KDM2A: variants seen among roughly 807,000 people sequenced by gnomAD.
KDM2A encodes lysine-specific demethylase 2A.
Under a neutral mutation model 137.3 loss-of-function variants are expected in KDM2A, and 3 were observed. The ratio of observed to expected loss-of-function variants is 0.02; its 90% CI spans 0.01 to 0.06. The LOEUF is 0.06. KDM2A is among the 10% of genes least tolerant of loss of function. KDM2A has a pLI of 1.00. For missense variants in KDM2A, 738 were observed against 1,510.6 expected (o/e 0.49, Z 8.48); for synonymous variants, 512 against 541.5 (o/e 0.95, Z 0.76).
intron 6 of KDM2A, among the ~76,000 whole-genome samples, chr11:67,212,909 G>A (rs190862863): frequency 1.5e-3 from 234 of 152,222 alleles, no homozygotes; most frequent in Admixed American, 6.6e-3. Context: ...GACAACACAC[G>A]GGGATGGGAG....
intron 2 of KDM2A, among the ~76,000 whole-genome samples, chr11:67,147,270 C>T (rs1590722066): frequency 6.6e-6 from 1 of 151,982 alleles, no homozygotes; most frequent in African/African-American, 2.4e-5. Context: ...GGGCCGGGTG[C>T]GGTGGCTCAA....
At chr11:67,158,135 G>A (rs933058820) in intron 2 of KDM2A, among the ~76,000 whole-genome samples, 1 of 151,236 alleles carries the variant, frequency 6.6e-6, no homozygotes, top group African/African-American at 2.4e-5. Flanking sequence ...CAGCAACTAC[G>A]GATCTTTTTG....
chr11:67,158,787 C>A (rs1315281289), intron 2 of KDM2A, among the ~76,000 whole-genome samples: 1 of 152,172 alleles, frequency 6.6e-6, no homozygotes, highest in Non-Finnish European at 1.5e-5. Context: ...CCGCCCCCAG[C>A]CTGAGCATCT....
chr11:67,251,409 A>G (rs1859422284), intron 17 of KDM2A, among the ~76,000 whole-genome samples: 1 of 152,234 alleles, frequency 6.6e-6, no homozygotes, highest in African/African-American at 2.4e-5. Context: ...TAAGTTGGAC[A>G]GACACTTGGG....
intron 17 of KDM2A, 58 bp from the exon 18 acceptor site, chr11:67,252,636 T>C: frequency 6.3e-7 from 1 of 1,588,950 alleles, no homozygotes; most frequent in Non-Finnish European, 8.6e-7. Context: ...AAGCAGCCTG[T>C]GATGGGAGCT....
At chr11:67,123,392 TC>T (rs935528236) in intron 2 of KDM2A, among the ~76,000 whole-genome samples, 5 of 151,518 alleles carry the variant, frequency 3.3e-5, no homozygotes, top group African/African-American at 1.2e-4. Flanking sequence ...TTTGTCTTGT[TC>T]CCAGTTCATG....
intron 2 of KDM2A, among the ~76,000 whole-genome samples, chr11:67,177,603 G>C (rs1407756687): frequency 6.6e-6 from 1 of 151,798 alleles, no homozygotes; most frequent in African/African-American, 2.4e-5. Context: ...AAGATCTTCA[G>C]GCACAGTAAC....
chr11:67,215,971 G>A (rs1858146447), intron 8 of KDM2A, 22 bp downstream of exon 8: 7 of 1,590,252 alleles, frequency 4.4e-6, no homozygotes, highest in Non-Finnish European at 6.0e-6. Flanking sequence ...GTTGTGATAG[G>A]GGTTGGAATC....
chr11:67,150,395 G>T (rs1856358164), intron 2 of KDM2A, among the ~76,000 whole-genome samples: 1 of 152,186 alleles, frequency 6.6e-6, no homozygotes, highest in African/African-American at 2.4e-5. Flanking sequence ...GAAGAGAAGA[G>T]TAATTGAAAC....
At chr11:67,180,964 T>C (rs78273812) in intron 3 of KDM2A, among the ~76,000 whole-genome samples, 1 of 132,024 alleles carries the variant, frequency 7.6e-6, no homozygotes, top group Non-Finnish European at 1.7e-5. Context: ...ACCTGGCCCT[T>C]TTTTTTTTTT....
At position 67,250,334 on chromosome 11, in the gene KDM2A, A is replaced by G. The variant is rs776320516; in HGVS notation, c.2304A>G (p.Thr768=). The G allele has an allele frequency of 1.2e-6, 2 of 1,613,970 alleles. No individual in the cohort carries two copies. Among genetic ancestry groups the G allele is most frequent in the South Asian group, 1.1e-5 (1 of 91,082 alleles). Residue 768 remains threonine, a synonymous_variant, in exon 17 of 21, where the codon ACA becomes ACG. Coordinates refer to ENST00000529006, the MANE Select transcript of KDM2A (RefSeq NM_012308.3). The surrounding 1 kb of genome is among the most constrained non-coding windows in gnomAD (Gnocchi z 7.1). ...GGCAGTTGCTGCGGCTGCAGGCCACAGAGCGCACCATGGTACGGGAAAAGG... is the reference window on the plus strand; with the variant it reads ...GGCAGTTGCTGCGGCTGCAGGCCACGGAGCGCACCATGGTACGGGAAAAGG... ...KRRQLLRLQA[T]ERTMVREKEN...
intron 5 of KDM2A, among the ~76,000 whole-genome samples, chr11:67,194,186 C>A (rs1857426328): frequency 6.6e-6 from 1 of 152,096 alleles, no homozygotes; most frequent in African/African-American, 2.4e-5. Flanking sequence ...CATTTCTGTT[C>A]TCTTTGTGTA....
intron 12 of KDM2A, among the ~76,000 whole-genome samples, chr11:67,234,951 C>T (rs1399489011): frequency 6.6e-6 from 1 of 151,792 alleles, no homozygotes; most frequent in Non-Finnish European, 1.5e-5. Flanking sequence ...TCAAGACCAT[C>T]CTTGCTAACA....
At chr11:67,179,302 T>C (rs948998845) in intron 2 of KDM2A, among the ~76,000 whole-genome samples, 1 of 152,170 alleles carries the variant, frequency 6.6e-6, no homozygotes, top group Non-Finnish European at 1.5e-5. Flanking sequence ...AGACGAAGTT[T>C]TGCTCTTGTT....
At position 67,252,814 on chromosome 11, in the gene KDM2A, C is replaced by T; in HGVS notation, c.2889C>T (p.Asn963=). ...TCAGCCTTGACCTCAGTTGGACCAACATCTCTAAAAAGCAACTGACATGGC... is the reference window on the plus strand; with the variant it reads ...TCAGCCTTGACCTCAGTTGGACCAATATCTCTAAAAAGCAACTGACATGGC... ...QPVSLDLSWT[N]ISKKQLTWLV... The change falls in exon 18 of 21, where the codon AAC becomes AAT. Residue 963 remains asparagine (N), a synonymous_variant. Transcript: ENST00000529006. 1 of 1,613,580 alleles carries T rather than the reference C, an allele frequency of 6.2e-7. No individual in the cohort carries two copies. The highest frequency in any genetic ancestry group is 8.5e-7 in the Non-Finnish European group (1 of 1,179,530).
chr11:67,205,376 C>A (rs961484761), intron 5 of KDM2A, among the ~76,000 whole-genome samples: 1 of 152,074 alleles, frequency 6.6e-6, no homozygotes, highest in Non-Finnish European at 1.5e-5. Context: ...GTATTATCTC[C>A]TATCTTTAAC....
chr11:67,183,439 GA>G (rs1857132634), intron 5 of KDM2A, among the ~76,000 whole-genome samples: 1 of 152,214 alleles, frequency 6.6e-6, no homozygotes, highest in Non-Finnish European at 1.5e-5. Context: ...GACTCTCAGA[GA>G]GGATTGTAGG....
intron 2 of KDM2A, among the ~76,000 whole-genome samples, chr11:67,122,761 C>T (rs1027498648): frequency 1.3e-5 from 2 of 151,524 alleles, no homozygotes; most frequent in African/African-American, 2.4e-5. Context: ...CTGCACGCTC[C>T]GCCTCCTGGG....
intron 5 of KDM2A, among the ~76,000 whole-genome samples, chr11:67,205,454 G>C (rs556840835): frequency 1.3e-5 from 2 of 152,136 alleles, no homozygotes; most frequent in South Asian, 4.2e-4. Context: ...AGCCAGGGCA[G>C]GTGTTTGTTC....
Sources: allele counts gnomAD v4.1 joint callset (sites outside exome capture counted in the v4.1 genomes callset), GRCh38; gene constraint gnomAD v4.1.1; non-coding constraint Gnocchi (gnomAD v3.1); transcripts MANE v1.5; gene names NCBI Gene and HGNC (gene_info 2026-07-23, HGNC 2026-07-21).